MICAL2: variants seen among roughly 807,000 people sequenced by gnomAD.
MICAL2 encodes the protein microtubule associated monooxygenase, calponin and LIM domain containing 2.
In MICAL2, 77 loss-of-function variants were observed where a neutral mutation model predicts 127.3. The observed-to-expected ratio is 0.60, with a 90% CI of 0.50 to 0.73. The LOEUF (loss-of-function observed/expected upper bound fraction) is 0.73, where lower values mean the gene tolerates loss of function less well. Ranked by LOEUF, MICAL2 falls within the 30% of genes least tolerant of loss-of-function variation. The pLI is 0.00. For synonymous variants in MICAL2, 570 were observed against 551.1 expected (o/e 1.03, Z -0.48); for missense variants, 1,351 against 1,434.4 (o/e 0.94, Z 0.94).
At chr11:12,215,853 T>G (rs867885892) in intron 7 of MICAL2, among the ~76,000 whole-genome samples, 1 of 152,260 alleles carries the variant, frequency 6.6e-6, no homozygotes, top group Non-Finnish European at 1.5e-5. Context: ...TGGACAGGAC[T>G]TGGAGCTAGA....
intron 1 of MICAL2, among the ~76,000 whole-genome samples, chr11:12,115,479 A>G (rs1045315168): frequency 1.3e-5 from 2 of 151,608 alleles, no homozygotes; most frequent in Admixed American, 6.6e-5. Flanking sequence ...ACAGGCTTTT[A>G]ATTTTTATTT....
intron 32 of MICAL2, among the ~76,000 whole-genome samples, chr11:12,341,280 C>T (rs1938859435): frequency 6.6e-6 from 1 of 152,010 alleles, no homozygotes; most frequent in African/African-American, 2.4e-5. Context: ...ACTACATCAA[C>T]AAAATTGCAG....
chr11:12,226,099 C>A, intron 13 of MICAL2, 72 bp from the exon 14 acceptor site: 1 of 1,469,778 alleles, frequency 6.8e-7, no homozygotes, highest in Non-Finnish European at 9.5e-7. Flanking sequence ...CTCCTTACCA[C>A]CTGAAGGTGC....
At chr11:12,231,968 G>T (rs1041241065) in intron 15 of MICAL2, among the ~76,000 whole-genome samples, 3 of 152,208 alleles carry the variant, frequency 2.0e-5, no homozygotes, top group African/African-American at 7.2e-5. Flanking sequence ...TCTGCTGGGG[G>T]TCTGGCAAAT....
chr11:12,307,724 T>G (rs1164725993), intron 29 of MICAL2, among the ~76,000 whole-genome samples: 4 of 152,208 alleles, frequency 2.6e-5, no homozygotes, highest in Admixed American at 2.6e-4. Flanking sequence ...GACTGTTCTT[T>G]CCCCATTGAG....
At chr11:12,242,574 G>GC (rs913252619) in intron 19 of MICAL2, 97 bp from the exon 20 acceptor site, 3 of 1,429,716 alleles carry the variant, frequency 2.1e-6, no homozygotes, top group South Asian at 2.3e-5. Flanking sequence ...AGCAGGCAAG[G>GC]CCCCCGGCTG....
At chr11:12,278,403 G>T (rs1433217337) in intron 1 of MICAL2, among the ~76,000 whole-genome samples, 1 of 152,112 alleles carries the variant, frequency 6.6e-6, no homozygotes, top group Non-Finnish European at 1.5e-5. Context: ...CTGCAAACAC[G>T]TGAGTGACAC....
chr11:12,332,366 A>C (rs1327496535), intron 32 of MICAL2, among the ~76,000 whole-genome samples: 1 of 152,198 alleles, frequency 6.6e-6, no homozygotes, highest in African/African-American at 2.4e-5. Context: ...GTCTCTCTAA[A>C]TACAGGTAGC....
At chr11:12,332,095 C>G (rs1362328215) in intron 32 of MICAL2, among the ~76,000 whole-genome samples, 1 of 152,096 alleles carries the variant, frequency 6.6e-6, no homozygotes, top group African/African-American at 2.4e-5. Context: ...AACAGTAATG[C>G]AATAAAAGCT....
At chr11:12,249,051 T>A (rs1861164373) in intron 21 of MICAL2, 133 bp from the exon 22 acceptor site, 1 of 1,109,870 alleles carries the variant, frequency 9.0e-7, no homozygotes, top group East Asian at 2.4e-5. Context: ...TGAGGGTAAC[T>A]GGAATACTGC....
In MICAL2 at chr11:12,258,635, A is replaced by C. The variant is rs1862658201; in HGVS notation, c.3231+79A>C. 5.2e-6 allele frequency: 7 copies of C among 1,339,590 alleles called. No individual in the cohort carries two copies. The East Asian group carries it at 1.6e-4, about 31-fold the overall frequency. The allele number at this position is 1,339,590 out of a possible 1,614,324, so 83.0% of individuals were successfully genotyped here. ...TTCCAGTGATCCTCAAAGTTAGGCC[A>C]GCTTTGCTGGCCCTAGAGGGATTGA... On this transcript the variant is annotated intron_variant, in intron 25 of 27. Transcript: ENST00000683283.
At chr11:12,342,552 A>T (rs886132545) in intron 32 of MICAL2, among the ~76,000 whole-genome samples, 3 of 152,220 alleles carry the variant, frequency 2.0e-5, no homozygotes, top group Non-Finnish European at 4.4e-5. Context: ...ATAGAACTAG[A>T]CGTTGGAAGA....
intron 33 of MICAL2, among the ~76,000 whole-genome samples, chr11:12,352,390 A>G (rs1366778246): frequency 2.0e-5 from 3 of 152,214 alleles, no homozygotes; most frequent in Non-Finnish European, 2.9e-5. Flanking sequence ...ATAGCACAGT[A>G]GTGATAAGAA....
At chr11:12,193,919 A>G (rs1004681185) in intron 3 of MICAL2, among the ~76,000 whole-genome samples, 5 of 152,252 alleles carry the variant, frequency 3.3e-5, no homozygotes, top group Admixed American at 1.3e-4. Flanking sequence ...GCTATGTTAC[A>G]TCATTTTGCC....
chr11:12,324,048 T>C (rs1864329606), exon 31 of MICAL2: 3 of 1,613,400 alleles, frequency 1.9e-6, no homozygotes, highest in Admixed American at 3.3e-5. Context: ...CAAGAAGAAT[T>C]GAAAAGACTC....
intron 2 of MICAL2, among the ~76,000 whole-genome samples, chr11:12,151,449 C>G (rs966730657): frequency 6.6e-6 from 1 of 152,166 alleles, no homozygotes; most frequent in Non-Finnish European, 1.5e-5. Context: ...ATTTGACATA[C>G]CCACTCCTAA....
chr11:12,293,992 G>A, downstream of MICAL2: 1 of 1,614,210 alleles, frequency 6.2e-7, no homozygotes, highest in Non-Finnish European at 8.5e-7. Context: ...CTCAGGAGCA[G>A]AAGACCATGT....
exon 3 of MICAL2, chr11:12,287,269 C>T (rs1863837299): frequency 5.0e-6 from 2 of 397,010 alleles, no homozygotes; most frequent in Admixed American, 8.8e-5. Flanking sequence ...ATCTCTCTGG[C>T]ATGGCCTCCT....
intron 22 of MICAL2, among the ~76,000 whole-genome samples, chr11:12,249,761 A>T (rs962528398): frequency 6.6e-6 from 1 of 152,246 alleles, no homozygotes; most frequent in Admixed American, 6.5e-5. Flanking sequence ...GGCCAAACTC[A>T]GCGGAGAAGT....
Sources: gnomAD v4.1 joint callset for allele counts (sites outside exome capture counted in the v4.1 genomes callset) on GRCh38, gnomAD v4.1.1 for gene constraint, MANE v1.5 for transcripts, NCBI Gene and HGNC (gene_info 2026-07-23, HGNC 2026-07-21) for gene names.